CENPW: variants seen among roughly 807,000 people sequenced by gnomAD.
The protein encoded by CENPW is cancer-up-regulated gene 2 protein.
A neutral mutation model predicts 11.1 loss-of-function variants in CENPW; 3 were observed. That is an observed-to-expected ratio of 0.27 (90% CI 0.12 to 0.70). The LOEUF is 0.70. CENPW is among the 30% of genes least tolerant of loss of function. CENPW has a pLI of 0.77. For missense variants in CENPW, 100 were observed against 105.6 expected (o/e 0.95, Z 0.23); for synonymous variants, 38 against 42.0 (o/e 0.91, Z 0.37).
At chr6:126,441,054 C>T in the CENPW span, among the ~76,000 whole-genome samples, 1 of 151,386 alleles carries the variant, frequency 6.6e-6, no homozygotes, top group South Asian at 2.1e-4. Context: ...TGCAGTATGG[C>T]AGATTCTGCT....
chr6:126,407,100 C>G, the CENPW span, among the ~76,000 whole-genome samples: 6 of 152,152 alleles, frequency 3.9e-5, no homozygotes, highest in East Asian at 7.7e-4. Flanking sequence ...ACCTCCCCAA[C>G]AGTCCCCATT....
the CENPW span, among the ~76,000 whole-genome samples, chr6:126,479,623 G>A: frequency 6.6e-6 from 1 of 151,984 alleles, no homozygotes; most frequent in Non-Finnish European, 1.5e-5. Flanking sequence ...GATCACAGAT[G>A]TCTTTCACAT....
At chr6:126,387,597 C>A in the CENPW span, among the ~76,000 whole-genome samples, 1 of 151,846 alleles carries the variant, frequency 6.6e-6, no homozygotes, top group Non-Finnish European at 1.5e-5. Flanking sequence ...TGGGCAGATG[C>A]AAAGAAGACA....
chr6:126,354,562 C>CT, the CENPW span, among the ~76,000 whole-genome samples: 1 of 152,084 alleles, frequency 6.6e-6, no homozygotes, highest in African/African-American at 2.4e-5. Flanking sequence ...TATAAATGTC[C>CT]TGAAGGAAAA....
At chr6:126,445,391 C>G in the CENPW span, among the ~76,000 whole-genome samples, 1 of 151,100 alleles carries the variant, frequency 6.6e-6, no homozygotes, top group Non-Finnish European at 1.5e-5. Flanking sequence ...ATTAAAATAC[C>G]AGGCCAGTGT....
the CENPW span, among the ~76,000 whole-genome samples, chr6:126,427,913 G>A: frequency 6.6e-6 from 1 of 152,164 alleles, no homozygotes; most frequent in Non-Finnish European, 1.5e-5. Context: ...ACTAGTGAAA[G>A]TTACTTTTTA....
the CENPW span, among the ~76,000 whole-genome samples, chr6:126,368,928 T>C: frequency 6.6e-6 from 1 of 152,050 alleles, no homozygotes; most frequent in South Asian, 2.1e-4. Flanking sequence ...TAGTCTTTTA[T>C]CCCTCACCCT....
At chr6:126,346,356 CT>C in intron 2 of CENPW, 38 bp downstream of exon 2, 1 of 1,311,768 alleles carries the variant, frequency 7.6e-7, no homozygotes. Flanking sequence ...AAGAATTAAA[CT>C]TCAAAAATAA....
chr6:126,349,487 A>T (rs1780466092), downstream of CENPW, among the ~76,000 whole-genome samples: 1 of 152,158 alleles, frequency 6.6e-6, no homozygotes, highest in Admixed American at 6.6e-5. Flanking sequence ...GGCAACCATG[A>T]ACTATTCTCC....
rs1264469732 is a variant in CENPW, at chr6:126,348,073, AC to A, written c.241-392del. ...AATAGACTTTTTGAGTCTAATATAGACTCAAGAATATTGTTTAACTCTTTAA... is the reference window on the plus strand; with the variant it reads ...AATAGACTTTTTGAGTCTAATATAGATCAAGAATATTGTTTAACTCTTTAA... On this transcript the variant is annotated intron_variant, in intron 2 of 2. Coordinates refer to ENST00000368328, the MANE Select transcript of CENPW (RefSeq NM_001012507.4). 3.9e-5 allele frequency among the ~76,000 whole-genome samples: 6 copies of A among 152,026 alleles called. No individual in the cohort carries two copies. In the East Asian group the frequency reaches 1.2e-3, roughly 29 times the overall value.
At chr6:126,390,833 A>G in the CENPW span, among the ~76,000 whole-genome samples, 1 of 151,942 alleles carries the variant, frequency 6.6e-6, no homozygotes, top group Non-Finnish European at 1.5e-5. Flanking sequence ...AAAATACTCT[A>G]TTGTGTATAT....
At chr6:126,365,937 C>A in the CENPW span, among the ~76,000 whole-genome samples, 7 of 152,146 alleles carry the variant, frequency 4.6e-5, no homozygotes, top group Non-Finnish European at 8.8e-5. Context: ...GCAGTTTGTT[C>A]TTAGTGGGCT....
the CENPW span, among the ~76,000 whole-genome samples, chr6:126,429,389 G>A: frequency 6.6e-6 from 1 of 152,092 alleles, no homozygotes; most frequent in Non-Finnish European, 1.5e-5. Flanking sequence ...AAGATGTTTG[G>A]GTCTTGGGGG....
chr6:126,464,096 A>G, the CENPW span, among the ~76,000 whole-genome samples: 1 of 152,132 alleles, frequency 6.6e-6, no homozygotes, highest in African/African-American at 2.4e-5. Context: ...CAAATCCAAC[A>G]ATATGGTAAA....
the CENPW span, among the ~76,000 whole-genome samples, chr6:126,476,553 T>A: frequency 6.6e-6 from 1 of 151,850 alleles, no homozygotes; most frequent in Admixed American, 6.6e-5. Flanking sequence ...ACTAGAGGAG[T>A]CACATTATGT....
the CENPW span, among the ~76,000 whole-genome samples, chr6:126,438,971 A>T: frequency 6.6e-6 from 1 of 151,882 alleles, no homozygotes; most frequent in East Asian, 1.9e-4. Flanking sequence ...GATACAAAAG[A>T]GTATACATTG....
the CENPW span, among the ~76,000 whole-genome samples, chr6:126,366,990 C>T: frequency 2.0e-5 from 3 of 152,114 alleles, no homozygotes; most frequent in African/African-American, 7.2e-5. Context: ...ATGACCTAAA[C>T]ACCTCCCTTT....
the CENPW span, among the ~76,000 whole-genome samples, chr6:126,422,671 A>G: frequency 2.6e-5 from 4 of 152,156 alleles, no homozygotes; most frequent in Admixed American, 6.6e-5. Context: ...GCTACACTCT[A>G]CTTCATCCCT....
At chr6:126,420,145 A>T in the CENPW span, among the ~76,000 whole-genome samples, 2 of 152,126 alleles carry the variant, frequency 1.3e-5, no homozygotes, top group Non-Finnish European at 2.9e-5. Context: ...CCACAGGATA[A>T]AAAGGAGCCA....
Sources: gnomAD v4.1 joint callset for allele counts (sites outside exome capture counted in the v4.1 genomes callset) on GRCh38, gnomAD v4.1.1 for gene constraint, MANE v1.5 for transcripts, NCBI Gene and HGNC (gene_info 2026-07-23, HGNC 2026-07-21) for gene names.